Variants in DSCAM observed in about 807,000 individuals in gnomAD.
DSCAM encodes the protein cell adhesion molecule DSCAM.
A neutral mutation model predicts 217.7 loss-of-function variants in DSCAM; 47 were observed. The ratio of observed to expected loss-of-function variants is 0.22; its 90% CI spans 0.17 to 0.28. The LOEUF is 0.28. Among genes scored for constraint, DSCAM ranks in the 10% least tolerant of loss-of-function variants. The pLI, the probability that DSCAM is intolerant of heterozygous loss-of-function variation, is 1.00. For synonymous variants in DSCAM, 1,056 were observed against 1,015.3 expected (o/e 1.04, Z -0.76); for missense variants, 2,080 against 2,618.3 (o/e 0.79, Z 4.49).
chr21:40,498,839 TGA>T (rs1208891834), intron 3 of DSCAM, among the ~76,000 whole-genome samples: 11 of 134,354 alleles, frequency 8.2e-5, no homozygotes, highest in African/African-American at 2.9e-4. Flanking sequence ...GACAGATATA[TGA>T]GAGAAAAAAT....
intron 11 of DSCAM, among the ~76,000 whole-genome samples, chr21:40,216,323 A>G (rs1379948865): frequency 6.6e-6 from 1 of 151,930 alleles, no homozygotes; most frequent in African/African-American, 2.4e-5. Context: ...TATGTTGCCC[A>G]GGCTGGTCTT....
intron 3 of DSCAM, among the ~76,000 whole-genome samples, chr21:40,687,917 C>A (rs978271970): frequency 6.6e-6 from 1 of 152,128 alleles, no homozygotes; most frequent in Admixed American, 6.5e-5. Flanking sequence ...GATGCCCAGA[C>A]CCAGTTGTGG....
chr21:40,424,000 G>A (rs988619630), intron 3 of DSCAM, among the ~76,000 whole-genome samples: 2 of 151,792 alleles, frequency 1.3e-5, no homozygotes, highest in African/African-American at 4.8e-5. Context: ...AGCTAATATC[G>A]GTTTTCCACT....
At chr21:40,190,507 T>G (rs930782127) in intron 11 of DSCAM, among the ~76,000 whole-genome samples, 5 of 152,110 alleles carry the variant, frequency 3.3e-5, no homozygotes, top group Admixed American at 2.6e-4. Context: ...ATAATAACAA[T>G]AAATAAAAAT....
At chr21:40,749,856 G>A (rs951772111) in intron 1 of DSCAM, among the ~76,000 whole-genome samples, 1 of 152,042 alleles carries the variant, frequency 6.6e-6, no homozygotes, top group Non-Finnish European at 1.5e-5. Flanking sequence ...TATAAAGGGC[G>A]GCCTGTAACT....
At chr21:40,633,910 G>A (rs1264914632) in intron 3 of DSCAM, among the ~76,000 whole-genome samples, 2 of 152,216 alleles carry the variant, frequency 1.3e-5, no homozygotes, top group African/African-American at 4.8e-5. Context: ...CCCAGGGAAT[G>A]ATGCGCCCCA....
At chr21:40,687,261 C>CTT (rs1221529324) in intron 3 of DSCAM, among the ~76,000 whole-genome samples, 1 of 152,122 alleles carries the variant, frequency 6.6e-6, no homozygotes, top group Non-Finnish European at 1.5e-5. Flanking sequence ...CTCTCTGGCA[C>CTT]TTTTAAAATC....
At position 40,012,798 on chromosome 21, in the gene DSCAM, A is replaced by G. The variant is rs1255733547; in HGVS notation, c.*236T>C. The G allele has an allele frequency of 3.1e-6, 1 of 321,582 alleles. No homozygotes were observed. The highest frequency in any genetic ancestry group is 5.0e-5 in the East Asian group (1 of 19,952). 19.9% of individuals were successfully genotyped at this position (321,582 alleles called of 1,614,324 possible). A position where few individuals can be genotyped will look rare whatever the true frequency, so the allele number is the denominator to read the frequency against. On this transcript the variant is annotated 3_prime_UTR_variant, in exon 33 of 33. Coordinates refer to ENST00000400454, the MANE Select transcript of DSCAM (RefSeq NM_001389.5). ...AATGCAATAGCCTGTGAAGATCATA[A>G]AACTGGACTTCTTTCCCAAAAAATC...
rs3071028 is a variant in DSCAM at position 40,746,375 on chromosome 21, CA to C, written c.44-37605del. Among the ~76,000 whole-genome samples the C allele has an allele frequency of 7.5e-3, 1,069 of 142,044 alleles. 15 individuals are homozygous for C. The highest frequency in any genetic ancestry group is 0.025 in the African/African-American group (991 of 39,198). 93.2% of individuals were successfully genotyped at this position (142,044 alleles called of 152,430 possible). On this transcript the variant is annotated intron_variant, in intron 1 of 32. Transcript: ENST00000400454. Reference sequence around the variant, plus strand: ...AAAAGATATTCCAAACAAATTGAAGCAAAAAAAAAAAGCAGGAATAACAATA... The same window carrying C: ...AAAAGATATTCCAAACAAATTGAAGCAAAAAAAAAAGCAGGAATAACAATA...
At chr21:40,233,318 T>A (rs1163316877) in intron 11 of DSCAM, among the ~76,000 whole-genome samples, 1 of 152,186 alleles carries the variant, frequency 6.6e-6, no homozygotes, top group Admixed American at 6.5e-5. Context: ...GTCCAAGTAA[T>A]ATTTTAAATA....
At chr21:40,332,349 G>A (rs1275926434) in intron 8 of DSCAM, among the ~76,000 whole-genome samples, 2 of 152,172 alleles carry the variant, frequency 1.3e-5, no homozygotes. Flanking sequence ...AGTCTTGAAT[G>A]TATTACTGGG....
rs546460281 is a variant in DSCAM, at chr21:40,458,803, A to G, written c.509-89558T>C. ...AAGGAAAAAATTGCCAATCTTGAAG[A>G]CATGTTAGGTCACAAAGAGAAGTTC... On this transcript the variant is annotated intron_variant, in intron 3 of 32. Transcript: ENST00000400454. 2.6e-5 allele frequency among the ~76,000 whole-genome samples: 4 copies of G among 152,228 alleles called. No homozygotes were observed. In the South Asian group the frequency reaches 8.3e-4, roughly 32 times the overall value.
intron 3 of DSCAM, among the ~76,000 whole-genome samples, chr21:40,649,803 C>A (rs1976619693): frequency 6.6e-6 from 1 of 152,218 alleles, no homozygotes; most frequent in Admixed American, 6.5e-5. Flanking sequence ...AGTTGTCTCT[C>A]TGGATTGGAT....
chr21:40,657,553 G>A (rs959380254), intron 3 of DSCAM, among the ~76,000 whole-genome samples: 1 of 152,158 alleles, frequency 6.6e-6, no homozygotes, highest in African/African-American at 2.4e-5. Flanking sequence ...GGATACCAGA[G>A]GGCTGCACAG....
intron 3 of DSCAM, among the ~76,000 whole-genome samples, chr21:40,554,079 TTAC>T (rs778485703): frequency 6.6e-5 from 10 of 152,164 alleles, no homozygotes; most frequent in Non-Finnish European, 1.2e-4. Context: ...GTCATAACGC[TTAC>T]TACAACCTCA....
intron 3 of DSCAM, among the ~76,000 whole-genome samples, chr21:40,481,552 A>AG (rs1276250048): frequency 6.9e-6 from 1 of 144,522 alleles, no homozygotes; most frequent in East Asian, 2.0e-4. Flanking sequence ...AAAAAAAAAA[A>AG]GCTCACAAGA....
chr21:40,381,237 C>G (rs1027492821), intron 3 of DSCAM, among the ~76,000 whole-genome samples: 1 of 152,040 alleles, frequency 6.6e-6, no homozygotes, highest in African/African-American at 2.4e-5. Context: ...GTGGCACTGG[C>G]TGTCCATGGC....
chr21:40,419,918 C>T (rs956830796), intron 3 of DSCAM, among the ~76,000 whole-genome samples: 4 of 151,814 alleles, frequency 2.6e-5, no homozygotes, highest in Non-Finnish European at 5.9e-5. Context: ...GGCTTTTACA[C>T]CTATAAAAAA....
intron 3 of DSCAM, among the ~76,000 whole-genome samples, chr21:40,479,525 G>A (rs907606840): frequency 1.3e-5 from 2 of 152,162 alleles, no homozygotes; most frequent in Admixed American, 1.3e-4. Context: ...TCACAATCAT[G>A]GCAGAAGGCA....
Sources: gnomAD v4.1 joint callset for allele counts (sites outside exome capture counted in the v4.1 genomes callset) on GRCh38, gnomAD v4.1.1 for gene constraint, MANE v1.5 for transcripts, NCBI Gene and HGNC (gene_info 2026-07-23, HGNC 2026-07-21) for gene names.